The following CDH18 variants were observed in gnomAD, a reference collection of about 807,000 sequenced individuals.
CDH18 encodes cadherin-18.
Under a neutral mutation model 67.9 loss-of-function variants are expected in CDH18, and 31 were observed. The ratio of observed to expected loss-of-function variants is 0.46; its 90% CI spans 0.34 to 0.62. The LOEUF (loss-of-function observed/expected upper bound fraction) is 0.62, where lower values mean the gene tolerates loss of function less well. Ranked by LOEUF, CDH18 falls within the 20% of genes least tolerant of loss-of-function variation. The pLI, the probability that CDH18 is intolerant of heterozygous loss-of-function variation, is 0.01. For missense variants in CDH18, 890 were observed against 975.5 expected, an observed-to-expected ratio of 0.91 and a Z score of 1.17; for synonymous variants, 362 against 347.2, an observed-to-expected ratio of 1.04 and a Z score of -0.48.
intron 2 of CDH18, among the ~76,000 whole-genome samples, chr5:19,935,787 A>G (rs1794183802): frequency 6.8e-6 from 1 of 146,438 alleles, no homozygotes; most frequent in African/African-American, 2.5e-5. Flanking sequence ...TTTTACATAC[A>G]GTCAGGAACT....
intron 2 of CDH18, among the ~76,000 whole-genome samples, chr5:19,939,666 C>G (rs1016417306): frequency 1.3e-5 from 2 of 151,638 alleles, no homozygotes; most frequent in African/African-American, 4.8e-5. Context: ...TAATTAGACT[C>G]AAGATATTTT....
intron 1 of CDH18, chr5:20,305,467 C>T: frequency 1.5e-6 from 2 of 1,368,644 alleles, no homozygotes; most frequent in South Asian, 1.2e-5. Context: ...ACCTCCTCAG[C>T]GGCCGCCGCT....
chr5:20,291,766 G>T (rs547780341), intron 1 of CDH18, among the ~76,000 whole-genome samples: 1 of 152,120 alleles, frequency 6.6e-6, no homozygotes, highest in Admixed American at 6.6e-5. Flanking sequence ...TATAATTAAA[G>T]GTTTAAATAT....
chr5:20,379,285 T>C (rs1743715305), intron 1 of CDH18, among the ~76,000 whole-genome samples: 1 of 152,202 alleles, frequency 6.6e-6, no homozygotes. Context: ...TGCTAGATCT[T>C]ATAAACATAG....
At chr5:19,520,554 A>G in intron 10 of CDH18, 103 bp downstream of exon 10, 1 of 1,014,296 alleles carries the variant, frequency 9.9e-7, no homozygotes, top group Non-Finnish European at 1.4e-6. Context: ...ACTGAGTACA[A>G]AATTACACTG....
intron 2 of CDH18, among the ~76,000 whole-genome samples, chr5:20,172,238 A>ACGTGTATATATGTATATATATATATACG (rs1250590779): frequency 8.4e-6 from 1 of 118,936 alleles, no homozygotes; most frequent in African/African-American, 3.8e-5. Context: ...ATATATATAT[A>ACGTGTATATATGTATATATATATATACG]TGTATATATA....
intron 11 of CDH18, among the ~76,000 whole-genome samples, chr5:19,501,739 A>G (rs1579842636): frequency 6.6e-6 from 1 of 152,312 alleles, no homozygotes; most frequent in East Asian, 1.9e-4. Flanking sequence ...TACATGGATC[A>G]ACATATGATT....
intron 8 of CDH18, among the ~76,000 whole-genome samples, chr5:19,548,754 T>C (rs560785100): frequency 0.13 from 15,371 of 118,502 alleles, 1,123 homozygotes; most frequent in African/African-American, 0.24. Flanking sequence ...TTTATCAGCT[T>C]TTTTTTTTTT....
At chr5:19,518,761 C>A (rs1040408428) in intron 10 of CDH18, among the ~76,000 whole-genome samples, 1 of 152,160 alleles carries the variant, frequency 6.6e-6, no homozygotes, top group African/African-American at 2.4e-5. Flanking sequence ...GGGACTCAGA[C>A]TGGCTTCCTT....
At chr5:20,016,684 T>C (rs1737910788) in intron 2 of CDH18, among the ~76,000 whole-genome samples, 1 of 152,126 alleles carries the variant, frequency 6.6e-6, no homozygotes, top group Admixed American at 6.6e-5. Flanking sequence ...GTCCAATATT[T>C]AGTGAACAAT....
intron 2 of CDH18, among the ~76,000 whole-genome samples, chr5:19,955,357 A>G (rs1796162343): frequency 6.6e-6 from 1 of 152,168 alleles, no homozygotes; most frequent in Non-Finnish European, 1.5e-5. Context: ...AGGAATGAGA[A>G]TCAATTGCAG....
chr5:20,439,036 G>A (rs115036306), intron 1 of CDH18, among the ~76,000 whole-genome samples: 4,135 of 151,454 alleles, frequency 0.027, 244 homozygotes, highest in African/African-American at 0.089. Context: ...CCTTGATTGC[G>A]TCATTTTTTA....
intron 2 of CDH18, among the ~76,000 whole-genome samples, chr5:20,024,810 G>A (rs1422550828): frequency 6.6e-6 from 1 of 152,136 alleles, no homozygotes; most frequent in Non-Finnish European, 1.5e-5. Flanking sequence ...AAAACATGGT[G>A]GGGGCTAAAG....
At chr5:19,937,801 G>T (rs1176071738) in intron 2 of CDH18, among the ~76,000 whole-genome samples, 9 of 150,528 alleles carry the variant, frequency 6.0e-5, no homozygotes, top group East Asian at 1.9e-4. Flanking sequence ...TATATATATA[G>T]AGAGAGACAT....
In CDH18 at chr5:19,839,192, T is replaced by C. The variant is rs1782000521; in HGVS notation, c.-206A>G. 1.9e-6 allele frequency: 1 copy of C among 538,072 alleles called. No homozygotes were observed. Among genetic ancestry groups the C allele is most frequent in the African/African-American group, 1.9e-5 (1 of 52,966 alleles). The allele number at this position is 538,072 out of a possible 1,614,324, so 33.3% of individuals were successfully genotyped here. The stretch of plus-strand genomic sequence containing the variant: ...CCACTTGGAAAATCAAAGCCGTAGT[T>C]GTCTGATTCCAACTCTTCACAGTAG... On this transcript the variant is annotated 5_prime_UTR_variant, in exon 3 of 13. Coordinates refer to ENST00000382275, the MANE Select transcript of CDH18 (RefSeq NM_004934.5).
intron 5 of CDH18, among the ~76,000 whole-genome samples, chr5:19,675,600 C>T (rs1418102668): frequency 6.6e-6 from 1 of 152,090 alleles, no homozygotes; most frequent in African/African-American, 2.4e-5. Context: ...AAGGTTATCT[C>T]CCTTGTTCCC....
At chr5:19,717,870 T>C (rs1177377858) in intron 5 of CDH18, among the ~76,000 whole-genome samples, 1 of 152,066 alleles carries the variant, frequency 6.6e-6, no homozygotes, top group Non-Finnish European at 1.5e-5. Flanking sequence ...CGTAGGCCCC[T>C]GTACCTTTTA....
chr5:20,106,565 T>C (rs113119017), intron 2 of CDH18, among the ~76,000 whole-genome samples: 3,036 of 152,318 alleles, frequency 0.02, 101 homozygotes, highest in African/African-American at 0.067. Context: ...TTATTTGGAA[T>C]AATTATGATA....
intron 2 of CDH18, among the ~76,000 whole-genome samples, chr5:20,175,872 T>C (rs982865325): frequency 3.3e-5 from 5 of 152,078 alleles, no homozygotes; most frequent in African/African-American, 1.2e-4. Flanking sequence ...GTTAATCTCC[T>C]TTGGCAACAC....
Sources: gnomAD v4.1 joint callset for allele counts (sites outside exome capture counted in the v4.1 genomes callset) on GRCh38, gnomAD v4.1.1 for gene constraint, MANE v1.5 for transcripts, NCBI Gene and HGNC (gene_info 2026-07-23, HGNC 2026-07-21) for gene names.